Variants in AGMO observed in about 807,000 individuals in gnomAD.
AGMO encodes the protein alkylglycerol monooxygenase, also known as glyceryl-ether monooxygenase.
A neutral mutation model predicts 60.2 loss-of-function variants in AGMO; 75 were observed. The observed-to-expected ratio is 1.25, with a 90% confidence interval of 1.03 to 1.51. The LOEUF is 1.51. Ranked by LOEUF, AGMO falls within the 40% of genes most tolerant of loss-of-function variation. AGMO has a pLI of 0.00. For synonymous variants in AGMO, 261 were observed against 177.1 expected (o/e 1.47, Z -3.76); for missense variants, 763 against 525.5 (o/e 1.45, Z -4.42).
At chr7:15,359,308 G>GA (rs1250665271) in intron 12 of AGMO, among the ~76,000 whole-genome samples, 2 of 125,660 alleles carry the variant, frequency 1.6e-5, no homozygotes, top group Non-Finnish European at 3.4e-5. Context: ...AAAAAAAAAA[G>GA]AAATTAGATT....
chr7:15,188,823 T>C, the AGMO span, among the ~76,000 whole-genome samples: 1 of 152,210 alleles, frequency 6.6e-6, no homozygotes, highest in Non-Finnish European at 1.5e-5. Context: ...GGCCATGAAC[T>C]GATCGTTGGA....
At chr7:15,225,073 TTTTTC>T (rs1177124858) in intron 12 of AGMO, among the ~76,000 whole-genome samples, 3 of 151,986 alleles carry the variant, frequency 2.0e-5, no homozygotes, top group Admixed American at 6.6e-5. Flanking sequence ...TTTTTTTTCT[TTTTTC>T]TTTCACTTTC....
Position 15,529,782 on chromosome 7 carries a change from C to A in AGMO, c.409+14990G>T, listed in dbSNP as rs1482378511. Reference sequence around the variant, plus strand: ...TATATATTTCTCTATATATATTTCTCTATATATATTTCTCTATATATATAT... The same window carrying A: ...TATATATTTCTCTATATATATTTCTATATATATATTTCTCTATATATATAT... On this transcript the variant is annotated intron_variant, in intron 3 of 12. Coordinates refer to ENST00000342526, the MANE Select transcript of AGMO (RefSeq NM_001004320.2). 4.4e-4 allele frequency among the ~76,000 whole-genome samples: 43 copies of A among 97,578 alleles called. 7 individuals carry two copies. The highest frequency in any genetic ancestry group is 1.8e-3 in the African/African-American group (42 of 22,906). The allele number at this position is 97,578 out of a possible 152,430, so 64.0% of individuals were successfully genotyped here.
chr7:15,159,992 C>T, the AGMO span, among the ~76,000 whole-genome samples: 1 of 152,174 alleles, frequency 6.6e-6, no homozygotes, highest in Non-Finnish European at 1.5e-5. Context: ...TGCTGCTTCA[C>T]TTTTATTTAT....
the AGMO span, among the ~76,000 whole-genome samples, chr7:15,161,418 C>CTA: frequency 4.6e-4 from 70 of 151,540 alleles, no homozygotes; most frequent in African/African-American, 1.3e-3. Flanking sequence ...CTCTCTCTCT[C>CTA]TCTATATATA....
At chr7:15,318,030 G>A (rs943255441) in intron 12 of AGMO, among the ~76,000 whole-genome samples, 12 of 142,512 alleles carry the variant, frequency 8.4e-5, no homozygotes, top group African/African-American at 2.6e-4. Context: ...TTTTGAGAGC[G>A]TATCTTGCTC....
At chr7:15,254,882 A>G (rs1783050045) in intron 12 of AGMO, among the ~76,000 whole-genome samples, 2 of 152,154 alleles carry the variant, frequency 1.3e-5, no homozygotes, top group South Asian at 4.1e-4. Context: ...AGAAATGGAT[A>G]AACTCCTCGA....
chr7:15,255,651 A>G (rs1437455064), intron 12 of AGMO, among the ~76,000 whole-genome samples: 1 of 152,304 alleles, frequency 6.6e-6, no homozygotes, highest in East Asian at 1.9e-4. Context: ...AGCACATTAA[A>G]AAGATCTTCA....
chr7:15,509,619 T>C (rs1783619076), intron 3 of AGMO, among the ~76,000 whole-genome samples: 1 of 151,962 alleles, frequency 6.6e-6, no homozygotes. Context: ...TTCACTGCAA[T>C]CAACAAAATG....
At position 15,436,263 on chromosome 7, in the gene AGMO, AC is replaced by A. The variant is rs145036375; in HGVS notation, c.410-5156del. 3.3e-3 allele frequency among the ~76,000 whole-genome samples: 503 copies of A among 152,298 alleles called. 1 individual carries two copies. The highest frequency in any genetic ancestry group is 0.011 in the African/African-American group (476 of 41,542). ...CCTGAGGCTGTGGAATTTGTAATAAACAGGAATTTATTTTTCACAGTCCCTG... is the reference window on the plus strand; with the variant it reads ...CCTGAGGCTGTGGAATTTGTAATAAAAGGAATTTATTTTTCACAGTCCCTG... On this transcript the variant is annotated intron_variant, in intron 3 of 12. Transcript: ENST00000342526.
chr7:15,328,412 T>C (rs1170038029), intron 12 of AGMO, among the ~76,000 whole-genome samples: 2 of 152,100 alleles, frequency 1.3e-5, no homozygotes, highest in Non-Finnish European at 2.9e-5. Context: ...TCTTAAACAA[T>C]GAATAATTGA....
intron 2 of AGMO, among the ~76,000 whole-genome samples, chr7:15,547,347 C>T (rs1784809413): frequency 6.6e-6 from 1 of 152,150 alleles, no homozygotes; most frequent in Admixed American, 6.5e-5. Context: ...CTCCGGTCTA[C>T]AGCTCCCAGC....
intron 3 of AGMO, among the ~76,000 whole-genome samples, chr7:15,455,380 T>A (rs574950665): frequency 1.3e-5 from 2 of 152,212 alleles, no homozygotes; most frequent in African/African-American, 4.8e-5. Flanking sequence ...AGTTATGTAT[T>A]TATTTTTGGA....
chr7:15,189,345 C>A, the AGMO span, among the ~76,000 whole-genome samples: 2 of 151,748 alleles, frequency 1.3e-5, no homozygotes, highest in Admixed American at 1.3e-4. Flanking sequence ...TTTTCTTTTC[C>A]AGTGAATTAG....
chr7:15,191,598 C>A, the AGMO span, among the ~76,000 whole-genome samples: 1 of 152,116 alleles, frequency 6.6e-6, no homozygotes, highest in Non-Finnish European at 1.5e-5. Flanking sequence ...TAATTAAGGG[C>A]AACGAAGTAA....
chr7:15,439,276 A>G (rs1781486702), intron 3 of AGMO, among the ~76,000 whole-genome samples: 1 of 152,190 alleles, frequency 6.6e-6, no homozygotes, highest in African/African-American at 2.4e-5. Context: ...GCACACCTGT[A>G]GTCCCAGCTA....
In AGMO at chr7:15,300,338, G is replaced by A. The variant is rs888041192; in HGVS notation, c.1263+65176C>T. On this transcript the variant is annotated intron_variant, in intron 12 of 12. Transcript: ENST00000342526. The stretch of plus-strand genomic sequence containing the variant: ...CACCAACAAACATAGAGTCCAGATT[G>A]ATGGTTTGGCAGCTTAACCAAATTT... Among the ~76,000 whole-genome samples the A allele has an allele frequency of 5.3e-5, 8 of 152,278 alleles. No individual in the cohort carries two copies. The East Asian group carries it at 1.4e-3, about 26-fold the overall frequency.
intron 12 of AGMO, among the ~76,000 whole-genome samples, chr7:15,341,568 A>C (rs1198214563): frequency 6.6e-6 from 1 of 152,154 alleles, no homozygotes; most frequent in Non-Finnish European, 1.5e-5. Context: ...TGGGCCCTCC[A>C]AACTGTTCCA....
At chr7:15,263,925 C>T (rs577472024) in intron 12 of AGMO, among the ~76,000 whole-genome samples, 125 of 151,852 alleles carry the variant, frequency 8.2e-4, no homozygotes, top group African/African-American at 2.8e-3. Context: ...ATAGGTGGGG[C>T]GTGGTGAGGG....
Sources: allele counts gnomAD v4.1 joint callset (sites outside exome capture counted in the v4.1 genomes callset), GRCh38; gene constraint gnomAD v4.1.1; transcripts MANE v1.5; gene names NCBI Gene and HGNC (gene_info 2026-07-23, HGNC 2026-07-21).